Variants in TUSC3 observed in about 807,000 individuals in gnomAD.
TUSC3 encodes the protein dolichyl-diphosphooligosaccharide--protein glycosyltransferase subunit TUSC3.
Under a neutral mutation model 44.8 loss-of-function variants are expected in TUSC3, and 45 were observed. The observed-to-expected ratio is 1.00, with a 90% CI of 0.79 to 1.29. TUSC3 has a LOEUF of 1.29. TUSC3 is among the 50% of genes most tolerant of loss of function. The probability of loss-of-function intolerance (pLI) is 0.00; values close to 1 mark genes in which losing one functional copy is unlikely to be tolerated. For synonymous variants in TUSC3, 212 were observed against 152.9 expected, an observed-to-expected ratio of 1.39 and a Z score of -2.85; for missense variants, 519 against 437.9, an observed-to-expected ratio of 1.19 and a Z score of -1.65.
chr8:15,736,310 A>G (rs1386441915), intron 7 of TUSC3, among the ~76,000 whole-genome samples: 2 of 152,276 alleles, frequency 1.3e-5, no homozygotes, highest in Non-Finnish European at 2.9e-5. Context: ...AATTCAGTAG[A>G]CTCAGGCTTG....
intron 1 of TUSC3, among the ~76,000 whole-genome samples, chr8:15,562,479 G>A (rs1802514320): frequency 6.6e-6 from 1 of 152,130 alleles, no homozygotes; most frequent in African/African-American, 2.4e-5. Flanking sequence ...CCACAATTTA[G>A]TGGCTTAAAA....
intron 6 of TUSC3, among the ~76,000 whole-genome samples, chr8:15,714,332 C>T (rs1400410900): frequency 1.3e-5 from 2 of 151,928 alleles, no homozygotes; most frequent in East Asian, 3.9e-4. Context: ...TTTTGAACCC[C>T]AATTTTGTTG....
chr8:15,831,893 TC>T, the TUSC3 span, among the ~76,000 whole-genome samples: 1 of 152,104 alleles, frequency 6.6e-6, no homozygotes, highest in Non-Finnish European at 1.5e-5. Context: ...CATGAGAACG[TC>T]CCCAACCTAG....
At chr8:15,684,961 T>C (rs554715949) in intron 6 of TUSC3, among the ~76,000 whole-genome samples, 1 of 152,244 alleles carries the variant, frequency 6.6e-6, no homozygotes, top group East Asian at 1.9e-4. Context: ...CGGGGTTACA[T>C]GGATCAGATG....
chr8:15,771,363 G>C (rs1287223051), downstream of TUSC3, among the ~76,000 whole-genome samples: 1 of 152,116 alleles, frequency 6.6e-6, no homozygotes, highest in Non-Finnish European at 1.5e-5. Context: ...AAATGCATGG[G>C]ATCCTGAATA....
intron 1 of TUSC3, among the ~76,000 whole-genome samples, chr8:15,435,528 T>C (rs1479065039): frequency 6.6e-6 from 1 of 152,198 alleles, no homozygotes; most frequent in African/African-American, 2.4e-5. Flanking sequence ...TAAAACAAAA[T>C]ACTAATATAG....
chr8:15,812,953 G>T, the TUSC3 span, among the ~76,000 whole-genome samples: 1 of 152,036 alleles, frequency 6.6e-6, no homozygotes, highest in Admixed American at 6.6e-5. Context: ...AATTAGCTGG[G>T]CGTGGTGGCA....
chr8:15,591,960 G>A (rs536663962), intron 1 of TUSC3, among the ~76,000 whole-genome samples: 1 of 152,306 alleles, frequency 6.6e-6, no homozygotes, highest in South Asian at 2.1e-4. Flanking sequence ...AAGAATGGGA[G>A]AAAACAAGTG....
intron 9 of TUSC3, among the ~76,000 whole-genome samples, chr8:15,752,777 G>A (rs1811762151): frequency 1.3e-5 from 2 of 151,994 alleles, no homozygotes; most frequent in East Asian, 1.9e-4. Flanking sequence ...ATAACATGAG[G>A]TCAAATGTAT....
At chr8:15,620,298 G>A (rs1018211962) in intron 1 of TUSC3, among the ~76,000 whole-genome samples, 2 of 152,156 alleles carry the variant, frequency 1.3e-5, no homozygotes, top group East Asian at 1.9e-4. Context: ...AAAAATACCA[G>A]TTTGTCAAGA....
At chr8:15,506,087 G>T (rs1342892789) in intron 2 of TUSC3, among the ~76,000 whole-genome samples, 1 of 152,134 alleles carries the variant, frequency 6.6e-6, no homozygotes, top group Non-Finnish European at 1.5e-5. Context: ...TGCCTTGACG[G>T]GAGACTATTA....
chr8:15,686,312 A>G (rs1808626276), intron 6 of TUSC3, among the ~76,000 whole-genome samples: 1 of 152,098 alleles, frequency 6.6e-6, no homozygotes, highest in African/African-American at 2.4e-5. Context: ...GTTATTTTCA[A>G]GATTTGGATT....
intron 2 of TUSC3, among the ~76,000 whole-genome samples, chr8:15,490,098 TTTTG>T (rs1278924873): frequency 1.3e-5 from 2 of 152,242 alleles, no homozygotes; most frequent in African/African-American, 2.4e-5. Context: ...TGTTAGAATT[TTTTG>T]TTTGTTAGTT....
At chr8:15,532,731 G>A (rs73193337) in intron 2 of TUSC3, among the ~76,000 whole-genome samples, 13,317 of 152,246 alleles carry the variant, frequency 0.087, 825 homozygotes, top group South Asian at 0.25. Flanking sequence ...CCCAGTGGGA[G>A]AAAACTGATT....
At position 15,659,547 on chromosome 8, in the gene TUSC3, C is replaced by G. The variant is rs766792012; in HGVS notation, c.467C>G (p.Pro156Arg). The change falls in exon 4 of 11, where the codon CCA (proline) becomes CGA (arginine). Residue 156 changes from proline (P) to arginine (R), a missense_variant. Physicochemically the swap from Pro to Arg is moderately radical, Grantham distance 103. Transcript: ENST00000503731. ...NSAPTFMHFPPKGRPKRADTF... is the reference protein window; with the variant it reads ...NSAPTFMHFPRKGRPKRADTF... ...GCTCCTACATTCATGCATTTTCCTC[C>G]AAAAGGCAGACCTAAGAGAGCTGAT... 6.8e-6 allele frequency: 11 copies of G among 1,613,230 alleles called. No homozygotes were observed. Among genetic ancestry groups the G allele is most frequent in the South Asian group, 1.1e-5 (1 of 91,072 alleles).
At chr8:15,566,095 C>T (rs1802659716) in intron 1 of TUSC3, among the ~76,000 whole-genome samples, 1 of 152,134 alleles carries the variant, frequency 6.6e-6, no homozygotes, top group Admixed American at 6.6e-5. Flanking sequence ...AGCCACTCAG[C>T]CCCTGAACTA....
At chr8:15,434,981 T>C (rs1353615057) in intron 1 of TUSC3, among the ~76,000 whole-genome samples, 1 of 149,136 alleles carries the variant, frequency 6.7e-6, no homozygotes, top group Non-Finnish European at 1.5e-5. Context: ...TTGTGAATAG[T>C]GCCGCAGTAA....
Position 15,631,767 on chromosome 8 carries a change from G to A in TUSC3, c.308+8518G>A, listed in dbSNP as rs145399379. Among the ~76,000 whole-genome samples, 14 of 151,846 alleles carry A rather than the reference G, an allele frequency of 9.2e-5. No individual in the cohort carries two copies. In the East Asian group the frequency reaches 2.7e-3, roughly 30 times the overall value. ...GTCACCCAGGCTGGAGTGCAGTGGC[G>A]CGATCATGGCTCACTACAACCTCTG... On this transcript the variant is annotated intron_variant, in intron 2 of 10. Transcript: ENST00000503731.
intron 1 of TUSC3, among the ~76,000 whole-genome samples, chr8:15,621,534 A>ATG (rs1805244603): frequency 6.8e-6 from 1 of 147,864 alleles, no homozygotes; most frequent in Non-Finnish European, 1.5e-5. Context: ...ATATATATAT[A>ATG]TAAAGTATAT....
Sources: allele counts gnomAD v4.1 joint callset (sites outside exome capture counted in the v4.1 genomes callset), GRCh38; gene constraint gnomAD v4.1.1; transcripts MANE v1.5; gene names NCBI Gene and HGNC (gene_info 2026-07-23, HGNC 2026-07-21).